Variants in MRTFA observed in about 807,000 individuals in gnomAD.
The protein encoded by MRTFA is myocardin related transcription factor A, also known as myocardin-related transcription factor A.
In MRTFA, 20 loss-of-function variants were observed where a neutral mutation model predicts 83.5. That is an observed-to-expected ratio of 0.24 (90% CI 0.17 to 0.35). MRTFA has a LOEUF of 0.35. MRTFA is among the 10% of genes least tolerant of loss of function. MRTFA has a pLI of 1.00. For missense variants in MRTFA, 1,200 were observed against 1,224.7 expected, an observed-to-expected ratio of 0.98 and a Z score of 0.30; for synonymous variants, 659 against 541.2, an observed-to-expected ratio of 1.22 and a Z score of -3.02.
At chr22:40,548,930 T>C in intron 3 of MRTFA, among the ~76,000 whole-genome samples, 1 of 151,936 alleles carries the variant, frequency 6.6e-6, no homozygotes, top group East Asian at 1.9e-4. Context: ...AAAACTAATA[T>C]TTGTATGACT....
intron 2 of MRTFA, among the ~76,000 whole-genome samples, chr22:40,581,600 T>C (rs2055948390): frequency 6.6e-6 from 1 of 152,168 alleles, no homozygotes. Context: ...ATATGGGCTT[T>C]CCCTTCTGTA....
chr22:40,415,630 T>C (rs900103826), intron 14 of MRTFA, among the ~76,000 whole-genome samples: 2 of 151,970 alleles, frequency 1.3e-5, no homozygotes, highest in African/African-American at 4.8e-5. Flanking sequence ...CCCAGGACCA[T>C]CTCGGGGTCA....
intron 1 of MRTFA, among the ~76,000 whole-genome samples, chr22:40,599,363 A>G (rs2056231372): frequency 6.6e-6 from 1 of 152,224 alleles, no homozygotes; most frequent in African/African-American, 2.4e-5. Flanking sequence ...TTTTGGCTCA[A>G]TACATACGCA....
chr22:40,471,219 TAAAAAAAAA>T (rs61206773), intron 3 of MRTFA, among the ~76,000 whole-genome samples: 26 of 42,690 alleles, frequency 6.1e-4, no homozygotes, highest in African/African-American at 1.0e-3. Flanking sequence ...CTGTTTCTAT[TAAAAAAAAA>T]AAAAAAAAAA....
At chr22:40,574,440 A>ATT (rs1556012318) in intron 2 of MRTFA, among the ~76,000 whole-genome samples, 8 of 147,730 alleles carry the variant, frequency 5.4e-5, no homozygotes, top group African/African-American at 2.0e-4. Flanking sequence ...TATTATTATT[A>ATT]TTTTTTTTTT....
intron 3 of MRTFA, among the ~76,000 whole-genome samples, chr22:40,465,605 G>C (rs2053800363): frequency 6.6e-6 from 1 of 152,154 alleles, no homozygotes; most frequent in African/African-American, 2.4e-5. Flanking sequence ...CTGTCACCCA[G>C]GCTGGAGTGC....
intron 3 of MRTFA, among the ~76,000 whole-genome samples, chr22:40,515,088 T>C (rs992829176): frequency 2.0e-5 from 3 of 151,628 alleles, no homozygotes; most frequent in Non-Finnish European, 2.9e-5. Context: ...TTTGTATTTT[T>C]AGTAGAGACG....
chr22:40,497,918 G>A (rs1381115768), intron 3 of MRTFA, among the ~76,000 whole-genome samples: 1 of 152,154 alleles, frequency 6.6e-6, no homozygotes, highest in Non-Finnish European at 1.5e-5. Flanking sequence ...TGGACTGCTT[G>A]AGCTCAGGAG....
Position 40,416,946 on chromosome 22 carries a change from G to C in MRTFA, c.2578+40C>G. 6.4e-7 allele frequency: 1 copy of C among 1,560,164 alleles called. No homozygotes were observed. The highest frequency in any genetic ancestry group is 8.7e-7 in the Non-Finnish European group (1 of 1,148,024). ...CCAGGGCTAGAGACACCTATGAACA[G>C]AGAAGGCCGTCAGGGAGGCAGCAGG... On this transcript the variant is annotated intron_variant, in intron 14 of 14. Transcript: ENST00000355630. The surrounding 1 kb of genome is among the most constrained non-coding windows in gnomAD (Gnocchi z 4.2).
intron 1 of MRTFA, among the ~76,000 whole-genome samples, chr22:40,614,468 T>C (rs2056426426): frequency 6.6e-6 from 1 of 151,970 alleles, no homozygotes; most frequent in Non-Finnish European, 1.5e-5. Context: ...TCTTTTTACA[T>C]GTTTTGGACA....
intron 1 of MRTFA, among the ~76,000 whole-genome samples, chr22:40,601,637 CA>C (rs954956279): frequency 6.7e-6 from 1 of 150,068 alleles, no homozygotes; most frequent in Non-Finnish European, 1.5e-5. Flanking sequence ...ACATAGATGA[CA>C]AAAAAAAATA....
chr22:40,615,768 T>C (rs1241158684), intron 1 of MRTFA, among the ~76,000 whole-genome samples: 1 of 151,112 alleles, frequency 6.6e-6, no homozygotes, highest in African/African-American at 2.4e-5. Flanking sequence ...CACTGCAACC[T>C]CTGTCTCCTC....
chr22:40,511,446 G>T (rs2054666147), intron 3 of MRTFA, among the ~76,000 whole-genome samples: 1 of 152,128 alleles, frequency 6.6e-6, no homozygotes. Flanking sequence ...ACTGAATCTA[G>T]AACTCAGTAA....
chr22:40,489,783 A>G (rs767556409), intron 3 of MRTFA, among the ~76,000 whole-genome samples: 16 of 152,108 alleles, frequency 1.1e-4, no homozygotes, highest in Non-Finnish European at 2.2e-4. Flanking sequence ...GTTCGAGACC[A>G]GCCTGGCTAA....
chr22:40,520,782 T>A (rs1202706992), intron 3 of MRTFA, among the ~76,000 whole-genome samples: 8 of 152,212 alleles, frequency 5.3e-5, no homozygotes, highest in Non-Finnish European at 1.0e-4. Flanking sequence ...TGTATGGATA[T>A]ACCATATTTT....
At chr22:40,483,412 G>A (rs1316973213) in intron 3 of MRTFA, among the ~76,000 whole-genome samples, 2 of 149,168 alleles carry the variant, frequency 1.3e-5, no homozygotes, top group African/African-American at 2.5e-5. Flanking sequence ...TCAGCCAGGC[G>A]CAATGGCTCA....
intron 3 of MRTFA, among the ~76,000 whole-genome samples, chr22:40,489,680 T>C (rs139275266): frequency 9.9e-4 from 150 of 152,102 alleles, no homozygotes; most frequent in African/African-American, 3.4e-3. Flanking sequence ...CTAAGCACAC[T>C]ATAAAATCAG....
chr22:40,615,846 A>G (rs1421274523), intron 1 of MRTFA, among the ~76,000 whole-genome samples: 3 of 151,872 alleles, frequency 2.0e-5, no homozygotes, highest in Non-Finnish European at 4.4e-5. Flanking sequence ...CACCATGCCC[A>G]GCTAATTGTT....
In MRTFA at chr22:40,419,129, C is replaced by T. The variant is rs72655384; in HGVS notation, c.1609G>A (p.Ala537Thr). 2.8e-4 allele frequency: 445 copies of T among 1,586,944 alleles called. 2 individuals carry two copies. The East Asian group carries it at 6.8e-3, about 24-fold the overall frequency. ...CCAAACTTCACCACCCCACTGCTGG[C>T]CACCGTGGCCACCACCACCTCAGCT... The change falls in exon 12 of 15, where the codon GCC (alanine) becomes ACC (threonine). Residue 537 changes from alanine (A) to threonine (T), a missense_variant. Around this residue, in one of 2 missense-constraint regions of MRTFA, gnomAD observed 1,107 missense variants for 1,041.8 expected, o/e 1.06. Transcript: ENST00000355630.
Sources: gnomAD v4.1 joint callset for allele counts (sites outside exome capture counted in the v4.1 genomes callset) on GRCh38, gnomAD v4.1.1 for gene constraint, gnomAD v4.1.1 regional missense constraint, Gnocchi (gnomAD v3.1) non-coding constraint, MANE v1.5 for transcripts, NCBI Gene and HGNC (gene_info 2026-07-23, HGNC 2026-07-21) for gene names.